Variants in MICU1 observed in about 807,000 individuals in gnomAD.
The protein encoded by MICU1 is calcium uptake protein 1, mitochondrial.
A neutral mutation model predicts 56.8 loss-of-function variants in MICU1; 45 were observed. The ratio of observed to expected loss-of-function variants is 0.79; its 90% confidence interval spans 0.62 to 1.02. The LOEUF is 1.02. Among genes scored for constraint, MICU1 ranks in the 50% least tolerant of loss-of-function variants. MICU1 has a pLI of 0.00. For synonymous variants in MICU1, 186 were observed against 195.1 expected (o/e 0.95, Z 0.39); for missense variants, 504 against 587.1 (o/e 0.86, Z 1.46).
chr10:72,369,301 T>C (rs1862248628), intron 11 of MICU1, among the ~76,000 whole-genome samples: 1 of 141,674 alleles, frequency 7.1e-6, no homozygotes, highest in Non-Finnish European at 1.5e-5. Flanking sequence ...CCATGTCTCT[T>C]GGAAAAAAAA....
chr10:72,566,780 T>A lies in MICU1; in HGVS notation c.14A>T (p.Asn5Ile). 6.2e-7 allele frequency: 1 copy of A among 1,610,346 alleles called. No individual in the cohort carries two copies. Among genetic ancestry groups the A allele is most frequent in the South Asian group, 1.1e-5 (1 of 90,410 alleles). MFRL[N>I]SLSALAELAV... ...CAGTTCTGCCAAAGCAGAAAGTGAG[T>A]TCAGACGAAACATCCTGTGGACAAT... The change falls in exon 2 of 12, where the codon AAC (asparagine) becomes ATC (isoleucine). Residue 5 changes from asparagine (N) to isoleucine (I), a missense_variant. Asn to Ile is a moderately radical substitution (Grantham distance 149). Transcript: ENST00000361114.
chr10:72,513,530 T>C (rs1867551013), intron 5 of MICU1, among the ~76,000 whole-genome samples: 1 of 152,226 alleles, frequency 6.6e-6, no homozygotes, highest in Admixed American at 6.5e-5. Flanking sequence ...CTTGATAATG[T>C]CCTATGAAGC....
intron 1 of MICU1, among the ~76,000 whole-genome samples, chr10:72,572,720 A>T (rs1258568706): frequency 3.9e-5 from 6 of 152,276 alleles, no homozygotes; most frequent in African/African-American, 1.2e-4. Flanking sequence ...AAAGATACTT[A>T]ATCTCACTCA....
chr10:72,406,078 AC>A (rs1254395116), intron 10 of MICU1, among the ~76,000 whole-genome samples: 3 of 152,068 alleles, frequency 2.0e-5, no homozygotes, highest in Admixed American at 6.5e-5. Flanking sequence ...AGGATTATTT[AC>A]ATAGAAAAAC....
At chr10:72,500,962 G>A (rs899485251) in intron 6 of MICU1, among the ~76,000 whole-genome samples, 6 of 152,134 alleles carry the variant, frequency 3.9e-5, no homozygotes, top group Admixed American at 6.6e-5. Flanking sequence ...GTGCAGAGAA[G>A]TAAGCTACTA....
At chr10:72,528,828 C>A in intron 5 of MICU1, 1 of 171,878 alleles carries the variant, frequency 5.8e-6, no homozygotes, top group South Asian at 9.5e-5. Flanking sequence ...AGAAGTATTA[C>A]ATTATAGGAA....
At chr10:72,551,429 T>C in intron 3 of MICU1, 88 bp from the exon 4 acceptor site, 1 of 911,638 alleles carries the variant, frequency 1.1e-6, no homozygotes, top group East Asian at 3.0e-5. Context: ...TCAATTCTCA[T>C]ATATTTTCCA....
intron 3 of MICU1, among the ~76,000 whole-genome samples, chr10:72,558,535 T>C (rs1041207617): frequency 6.6e-6 from 1 of 152,054 alleles, no homozygotes; most frequent in Non-Finnish European, 1.5e-5. Flanking sequence ...CTCTTGACCA[T>C]GAAAGGAGGG....
rs1202727249 is a variant in MICU1, at chr10:72,448,173, GTA to G, written c.934-24804_934-24803del. On this transcript the variant is annotated intron_variant, in intron 8 of 11. Coordinates refer to ENST00000361114, the MANE Select transcript of MICU1 (RefSeq NM_001195518.2). ...TGTCTGTGTGTGTGTATATGTGTGTGTATATATATATATATATATATTTTTTT... is the reference window on the plus strand; with the variant it reads ...TGTCTGTGTGTGTGTATATGTGTGTGTATATATATATATATATATTTTTTT... 3.3e-3 allele frequency among the ~76,000 whole-genome samples: 251 copies of G among 77,176 alleles called. 4 individuals carry two copies. The highest frequency in any genetic ancestry group is 1.0e-2 in the South Asian group (20 of 2,008). The allele number at this position is 77,176 out of a possible 152,430, so 50.6% of individuals were successfully genotyped here.
intron 1 of MICU1, among the ~76,000 whole-genome samples, chr10:72,592,974 C>T (rs1379218527): frequency 4.0e-5 from 6 of 151,854 alleles, no homozygotes; most frequent in African/African-American, 1.2e-4. Flanking sequence ...TTAGTAGAGA[C>T]GGGGTTTCAC....
At chr10:72,518,556 T>C (rs1867724202) in intron 5 of MICU1, among the ~76,000 whole-genome samples, 1 of 152,180 alleles carries the variant, frequency 6.6e-6, no homozygotes. Context: ...AGGTAATAAA[T>C]TATCAGTTCA....
chr10:72,577,710 AT>A lies in MICU1; in HGVS notation c.-1-10917del, dbSNP rs537139790. Among the ~76,000 whole-genome samples, 20 of 152,234 alleles carry A rather than the reference AT, an allele frequency of 1.3e-4. No individual in the cohort carries two copies. The South Asian group carries it at 4.2e-3, about 32-fold the overall frequency. On this transcript the variant is annotated intron_variant, in intron 1 of 11. Transcript: ENST00000361114. ...AGCGTCAAAAAAATTGTTTTTGTAA[AT>A]TTCAATTAAAAAAATTTTTTTTAAA...
intron 9 of MICU1, among the ~76,000 whole-genome samples, chr10:72,410,383 G>A (rs946152167): frequency 7.2e-5 from 11 of 152,282 alleles, no homozygotes; most frequent in African/African-American, 9.6e-5. Flanking sequence ...TTGGGTGGCC[G>A]AGGCGGGCAG....
At chr10:72,520,074 C>T (rs561299379) in intron 5 of MICU1, among the ~76,000 whole-genome samples, 3 of 152,180 alleles carry the variant, frequency 2.0e-5, no homozygotes, top group African/African-American at 4.8e-5. Flanking sequence ...TGAGGTTGTA[C>T]ATCAAAAACA....
chr10:72,594,357 A>G (rs1841313241), intron 1 of MICU1, among the ~76,000 whole-genome samples: 1 of 152,178 alleles, frequency 6.6e-6, no homozygotes, highest in South Asian at 2.1e-4. Context: ...TAGATGCAAA[A>G]GAGAAAGTTG....
At chr10:72,500,295 T>C (rs1251381989) in intron 6 of MICU1, among the ~76,000 whole-genome samples, 4 of 9,514 alleles carry the variant, frequency 4.2e-4, no homozygotes, top group Non-Finnish European at 1.8e-3. Flanking sequence ...TATATATATA[T>C]ATATATATTT....
chr10:72,385,720 C>A (rs1169751525), intron 10 of MICU1, among the ~76,000 whole-genome samples: 3 of 152,186 alleles, frequency 2.0e-5, no homozygotes, highest in African/African-American at 7.2e-5. Context: ...CCTGTGTAAT[C>A]CCCTCTCCTC....
intron 8 of MICU1, among the ~76,000 whole-genome samples, chr10:72,427,381 A>G (rs2132147213): frequency 6.6e-6 from 1 of 152,354 alleles, no homozygotes; most frequent in South Asian, 2.1e-4. Context: ...AAGCCAGGAA[A>G]GGAAGAAAAC....
intron 8 of MICU1, among the ~76,000 whole-genome samples, chr10:72,434,733 A>C (rs1201302509): frequency 1.3e-5 from 2 of 152,178 alleles, no homozygotes; most frequent in African/African-American, 2.4e-5. Flanking sequence ...CTCTCACCTG[A>C]GTGCCAGTTT....
Sources: allele counts gnomAD v4.1 joint callset (sites outside exome capture counted in the v4.1 genomes callset), GRCh38; gene constraint gnomAD v4.1.1; transcripts MANE v1.5; gene names NCBI Gene and HGNC (gene_info 2026-07-23, HGNC 2026-07-21).